The following HHIP variants were observed in gnomAD, a reference collection of about 807,000 sequenced individuals.
HHIP encodes the protein hedgehog-interacting protein.
A neutral mutation model predicts 74.0 loss-of-function variants in HHIP; 12 were observed. The observed-to-expected ratio is 0.16, with a 90% CI of 0.10 to 0.26. The LOEUF (loss-of-function observed/expected upper bound fraction) is 0.26. Among genes scored for constraint, HHIP ranks in the 10% least tolerant of loss-of-function variants. The probability of loss-of-function intolerance (pLI) is 1.00; values close to 1 mark genes in which losing one functional copy is unlikely to be tolerated. For synonymous variants in HHIP, 309 were observed against 311.6 expected (o/e 0.99, Z 0.09); for missense variants, 788 against 845.0 (o/e 0.93, Z 0.84).
Position 144,745,000 on chromosome 4 carries a change from T to C in HHIP, c.*7043T>C, listed in dbSNP as rs1447183347. 6.6e-6 allele frequency: 1 copy of C among 152,222 alleles called. No homozygotes were observed. Among genetic ancestry groups the C allele is most frequent in the Non-Finnish European group, 1.5e-5 (1 of 68,038 alleles). The allele number at this position is 152,222 out of a possible 1,614,324, so 9.4% of individuals were successfully genotyped here. A position where few individuals can be genotyped will look rare whatever the true frequency, so the allele number is the denominator to read the frequency against. On this transcript the variant is annotated 3_prime_UTR_variant, in exon 13 of 13. Coordinates refer to ENST00000296575, the MANE Select transcript of HHIP (RefSeq NM_022475.3). Reference sequence around the variant, plus strand: ...GTATACACACTATCTATGTAAAATATAATATATGTATAATGCATATAAATT... The same window carrying C: ...GTATACACACTATCTATGTAAAATACAATATATGTATAATGCATATAAATT...
At chr4:144,662,724 G>T (rs531942352) in intron 4 of HHIP, among the ~76,000 whole-genome samples, 1 of 152,292 alleles carries the variant, frequency 6.6e-6, no homozygotes, top group East Asian at 1.9e-4. Context: ...TGCACATGCA[G>T]CGTTGTTATT....
chr4:144,711,921 A>G, intron 7 of HHIP, 29 bp from the exon 8 acceptor site: 2 of 1,605,236 alleles, frequency 1.2e-6, no homozygotes, highest in African/African-American at 1.3e-5. Flanking sequence ...CACGGTAGGA[A>G]TTAATGTGTA....
chr4:144,703,670 G>A (rs538403280), intron 4 of HHIP, among the ~76,000 whole-genome samples: 2 of 152,272 alleles, frequency 1.3e-5, no homozygotes, highest in South Asian at 4.2e-4. Context: ...GGGACAAAGG[G>A]GACTAAGATA....
At chr4:144,686,687 C>T (rs894704429) in intron 4 of HHIP, among the ~76,000 whole-genome samples, 31 of 152,182 alleles carry the variant, frequency 2.0e-4, no homozygotes, top group African/African-American at 6.3e-4. Context: ...AAGTTAAAGA[C>T]TTAATTCAGA....
At chr4:144,717,791 C>A (rs1730500184) in intron 10 of HHIP, among the ~76,000 whole-genome samples, 1 of 152,040 alleles carries the variant, frequency 6.6e-6, no homozygotes, top group Non-Finnish European at 1.5e-5. Flanking sequence ...CCCCTCTCCC[C>A]CAGTGTTTAT....
At chr4:144,714,399 T>C in intron 9 of HHIP, 51 bp downstream of exon 9, 1 of 1,582,586 alleles carries the variant, frequency 6.3e-7, no homozygotes, top group Non-Finnish European at 8.7e-7. Context: ...ACATATCCAT[T>C]AATCATTTGG....
chr4:144,695,399 C>A (rs892165215), intron 4 of HHIP, among the ~76,000 whole-genome samples: 2 of 151,538 alleles, frequency 1.3e-5, no homozygotes, highest in Non-Finnish European at 3.0e-5. Flanking sequence ...AATTTGGTAT[C>A]TTTTTTGTTC....
At chr4:144,663,552 C>T (rs527730923) in intron 4 of HHIP, among the ~76,000 whole-genome samples, 2 of 152,258 alleles carry the variant, frequency 1.3e-5, no homozygotes, top group South Asian at 4.1e-4. Context: ...GTCATTTGCC[C>T]TGTACCTTTT....
chr4:144,709,786 A>G (rs1477951193), intron 7 of HHIP, among the ~76,000 whole-genome samples: 1 of 152,162 alleles, frequency 6.6e-6, no homozygotes, highest in East Asian at 1.9e-4. Flanking sequence ...GACTAGTTAA[A>G]GGACAGTGAT....
chr4:144,690,417 C>T (rs1729616440), intron 4 of HHIP, among the ~76,000 whole-genome samples: 1 of 152,168 alleles, frequency 6.6e-6, no homozygotes, highest in Non-Finnish European at 1.5e-5. Context: ...AAAAGACATG[C>T]TTGCTAAACT....
At chr4:144,723,388 T>C (rs556520170) in intron 11 of HHIP, among the ~76,000 whole-genome samples, 2 of 152,290 alleles carry the variant, frequency 1.3e-5, no homozygotes, top group Admixed American at 6.5e-5. Context: ...GTTTTCTTAA[T>C]ATCTTCATCC....
chr4:144,721,552 GA>G (rs1053784220), intron 11 of HHIP, among the ~76,000 whole-genome samples: 12 of 117,766 alleles, frequency 1.0e-4, no homozygotes, highest in African/African-American at 1.9e-4. Context: ...TGTTTAGCAT[GA>G]AAAAAAATAG....
In HHIP at chr4:144,652,632, T is replaced by C. The variant is rs1728452921; in HGVS notation, c.307T>C (p.Cys103Arg). The C allele has an allele frequency of 1.2e-6, 2 of 1,609,454 alleles. No individual in the cohort carries two copies. Among genetic ancestry groups the C allele is most frequent in the Non-Finnish European group, 1.7e-6 (2 of 1,177,836 alleles). The change falls in exon 2 of 13, where the codon TGT becomes CGT. Residue 103 changes from cysteine (C) to arginine (R), a missense_variant. Transcript: ENST00000296575. ...KIFSVTNNTE[C>R]GKLLEEIKCA... ...ATTTTCTGTTACCAACAACACAGAA[T>C]GTGGGAAGTTACTGGAGGAAATCAA...
chr4:144,720,113 A>G (rs1028996760), intron 11 of HHIP, among the ~76,000 whole-genome samples: 1 of 152,094 alleles, frequency 6.6e-6, no homozygotes, highest in African/African-American at 2.4e-5. Context: ...AACTGTATAC[A>G]TTTTCTTTCA....
At chr4:144,664,094 A>T (rs1410200680) in intron 4 of HHIP, among the ~76,000 whole-genome samples, 1 of 152,218 alleles carries the variant, frequency 6.6e-6, no homozygotes, top group Non-Finnish European at 1.5e-5. Context: ...CACACAGCAG[A>T]CACAGCTGAA....
chr4:144,711,277 G>C (rs926479862), intron 7 of HHIP, among the ~76,000 whole-genome samples: 1 of 152,188 alleles, frequency 6.6e-6, no homozygotes, highest in Admixed American at 6.5e-5. Flanking sequence ...GTTATAACTA[G>C]TACTGTTTTG....
intron 7 of HHIP, among the ~76,000 whole-genome samples, chr4:144,710,927 C>T (rs1730279934): frequency 2.0e-5 from 3 of 152,168 alleles, no homozygotes; most frequent in African/African-American, 7.2e-5. Context: ...TCATTCTTCC[C>T]CCAACCCAAG....
At chr4:144,728,847 A>T (rs1438552163) in intron 11 of HHIP, among the ~76,000 whole-genome samples, 1 of 152,104 alleles carries the variant, frequency 6.6e-6, no homozygotes, top group Admixed American at 6.6e-5. Flanking sequence ...TAAATATATG[A>T]TTCCTCGGCG....
At chr4:144,686,178 G>T (rs1729479706) in intron 4 of HHIP, among the ~76,000 whole-genome samples, 2 of 152,118 alleles carry the variant, frequency 1.3e-5, no homozygotes, top group Non-Finnish European at 2.9e-5. Context: ...CATATGAATT[G>T]GTTAAGGAAG....
Sources: allele counts gnomAD v4.1 joint callset (sites outside exome capture counted in the v4.1 genomes callset), GRCh38; gene constraint gnomAD v4.1.1; transcripts MANE v1.5; gene names NCBI Gene and HGNC (gene_info 2026-07-23, HGNC 2026-07-21).